The following CHLSN variants were observed in gnomAD, a reference collection of about 807,000 sequenced individuals.
CHLSN encodes protein cholesin.
chr7:1,016,638 CCAGCGCACAG>C, the CHLSN span, among the ~76,000 whole-genome samples: 18 of 81,562 alleles, frequency 2.2e-4, 2 homozygotes, highest in Admixed American at 1.1e-3. Flanking sequence ...GTAGCGCACG[CCAGCGCACAG>C]CAGCACACAG....
At chr7:985,395 GC>G in the CHLSN span, 2 of 1,491,250 alleles carry the variant, frequency 1.3e-6, no homozygotes, top group Non-Finnish European at 1.8e-6. Context: ...GAGGACGGGG[GC>G]CCCAGTGCTG....
At chr7:1,072,153 C>A in the CHLSN span, among the ~76,000 whole-genome samples, 1 of 152,220 alleles carries the variant, frequency 6.6e-6, no homozygotes, top group African/African-American at 2.4e-5. Context: ...CTCCCATGCA[C>A]ACAGAGTGCC....
chr7:980,684 CTTT>C, the CHLSN span, among the ~76,000 whole-genome samples: 10 of 97,026 alleles, frequency 1.0e-4, no homozygotes, highest in South Asian at 3.7e-4. Context: ...GTAACAGTTA[CTTT>C]TTTTTTTTTT....
At chr7:1,028,657 A>AAGG in the CHLSN span, 1 of 258,354 alleles carries the variant, frequency 3.9e-6, no homozygotes, top group Non-Finnish European at 4.4e-6. Flanking sequence ...GCCCCCACCC[A>AAGG]GCCCCTATCG....
the CHLSN span, among the ~76,000 whole-genome samples, chr7:1,018,455 G>C: frequency 6.6e-6 from 1 of 152,122 alleles, no homozygotes; most frequent in Non-Finnish European, 1.5e-5. Flanking sequence ...GATGTGATGA[G>C]GAGACATGAC....
the CHLSN span, among the ~76,000 whole-genome samples, chr7:1,068,289 A>T: frequency 6.6e-6 from 1 of 152,138 alleles, no homozygotes; most frequent in Admixed American, 6.5e-5. Context: ...CCCAGGTGTC[A>T]GTCCTGGCTC....
chr7:1,049,733 C>A, the CHLSN span, among the ~76,000 whole-genome samples: 2 of 152,238 alleles, frequency 1.3e-5, no homozygotes, highest in Non-Finnish European at 2.9e-5. Context: ...GACCAGAGGT[C>A]AAGGCAGCGG....
chr7:1,023,238 G>A, the CHLSN span, among the ~76,000 whole-genome samples: 630 of 152,342 alleles, frequency 4.1e-3, 3 homozygotes, highest in African/African-American at 0.015. This position sits in a 1 kb window ranked among gnomAD's most constrained non-coding sequence, Gnocchi z 5.0. Flanking sequence ...CTGCAGCCGC[G>A]ACACGGGCTG....
At chr7:1,102,972 G>T in the CHLSN span, among the ~76,000 whole-genome samples, 3 of 152,204 alleles carry the variant, frequency 2.0e-5, no homozygotes, top group Admixed American at 6.5e-5. Flanking sequence ...ACCAGGGAGC[G>T]GGAAGAGAGA....
chr7:1,062,322 A>G, the CHLSN span, among the ~76,000 whole-genome samples: 1 of 152,186 alleles, frequency 6.6e-6, no homozygotes, highest in Non-Finnish European at 1.5e-5. Context: ...CGACAGAGGG[A>G]AAGCAGGAAT....
the CHLSN span, among the ~76,000 whole-genome samples, chr7:1,082,636 G>T: frequency 6.6e-6 from 1 of 152,240 alleles, no homozygotes; most frequent in Non-Finnish European, 1.5e-5. Context: ...AGAATAGTGG[G>T]CTTCATGGGG....
chr7:980,377 C>A, the CHLSN span, among the ~76,000 whole-genome samples: 1 of 152,234 alleles, frequency 6.6e-6, no homozygotes, highest in Non-Finnish European at 1.5e-5. Flanking sequence ...GTCCCAAGTT[C>A]CACTTGAGCA....
chr7:1,022,378 G>A, the CHLSN span, among the ~76,000 whole-genome samples: 13 of 152,230 alleles, frequency 8.5e-5, no homozygotes, highest in Non-Finnish European at 2.9e-5. Context: ...TACGGATTCT[G>A]TTCCAATTTA....
At chr7:1,135,797 A>ACAC in the CHLSN span, among the ~76,000 whole-genome samples, 16 of 136,274 alleles carry the variant, frequency 1.2e-4, no homozygotes, top group Admixed American at 2.4e-4. Flanking sequence ...ATATATACAC[A>ACAC]ATTTATTTAT....
At chr7:1,111,055 G>A in the CHLSN span, among the ~76,000 whole-genome samples, 5 of 152,120 alleles carry the variant, frequency 3.3e-5, no homozygotes, top group African/African-American at 7.2e-5. Context: ...CAGCCTGGGC[G>A]ACAGAGCGAG....
At chr7:1,061,720 A>G in the CHLSN span, among the ~76,000 whole-genome samples, 2 of 152,018 alleles carry the variant, frequency 1.3e-5, no homozygotes, top group African/African-American at 4.8e-5. Context: ...TACTTGTAAA[A>G]AGTCAAGGTA....
At chr7:986,978 G>C in the CHLSN span, 1 of 1,356,756 alleles carries the variant, frequency 7.4e-7, no homozygotes, top group South Asian at 1.5e-5. Flanking sequence ...TGCCTGCCTC[G>C]GGGACGCTGA....
chr7:1,094,101 A>G, the CHLSN span, among the ~76,000 whole-genome samples: 1 of 152,210 alleles, frequency 6.6e-6, no homozygotes, highest in African/African-American at 2.4e-5. Context: ...GTGCGACCTA[A>G]GCTGCCTTTC....
chr7:1,091,984 A>C, the CHLSN span: 2 of 1,614,100 alleles, frequency 1.2e-6, no homozygotes, highest in Non-Finnish European at 8.5e-7. Context: ...GGTGAACATC[A>C]GCTTCCGCGA....
Sources: gnomAD v4.1 joint callset for allele counts (sites outside exome capture counted in the v4.1 genomes callset) on GRCh38, gnomAD v4.1.1 for gene constraint, Gnocchi (gnomAD v3.1) non-coding constraint, MANE v1.5 for transcripts, NCBI Gene and HGNC (gene_info 2026-07-23, HGNC 2026-07-21) for gene names.